The following NTN1 variants were observed in gnomAD, a reference collection of about 807,000 sequenced individuals.
NTN1 encodes the protein netrin 1.
In NTN1, 11 loss-of-function variants were observed where a neutral mutation model predicts 54.2. The observed-to-expected ratio is 0.20, with a 90% CI of 0.13 to 0.34. NTN1 has a LOEUF of 0.34. NTN1 is among the 10% of genes least tolerant of loss of function. NTN1 has a pLI of 1.00. For synonymous variants in NTN1, 371 were observed against 382.0 expected (o/e 0.97, Z 0.33); for missense variants, 740 against 893.1 (o/e 0.83, Z 2.18).
rs2091858991 is a variant in NTN1, at chr17:9,023,188, A to G, written c.815A>G (p.Tyr272Cys). The part of the protein sequence containing the change: ...EDDSELARDS[Y>C]FYAVSDLQVG... Reference sequence around the variant, plus strand: ...GACTCGGAGCTGGCGCGCGACTCGTACTTCTACGCGGTGTCCGACCTGCAG... The same window carrying G: ...GACTCGGAGCTGGCGCGCGACTCGTGCTTCTACGCGGTGTCCGACCTGCAG... Residue 272 changes from tyrosine (Y) to cysteine (C), a missense_variant, in exon 2 of 7, where the codon TAC (tyrosine) becomes TGC (cysteine). By Grantham distance (194) the Tyr-to-Cys change is radical (BLOSUM62 -2). Coordinates refer to ENST00000173229, the MANE Select transcript of NTN1 (RefSeq NM_004822.3). 1 of 1,563,098 alleles carries G rather than the reference A, an allele frequency of 6.4e-7. No homozygotes were observed. The highest frequency in any genetic ancestry group is 2.4e-5 in the East Asian group (1 of 42,190).
chr17:9,079,382 G>A (rs1445907265), intron 2 of NTN1, among the ~76,000 whole-genome samples: 1 of 152,198 alleles, frequency 6.6e-6, no homozygotes, highest in Non-Finnish European at 1.5e-5. Flanking sequence ...CCTTAAAAAT[G>A]TGTCTGTACA....
rs1377521382 is a variant in NTN1, at chr17:9,166,161, A to T, written c.1207+3160A>T. Reference sequence around the variant, plus strand: ...TGGTCAACCCCCTTCCACCACCACCACCACCACCACCACCACCACCACCAC... The same window carrying T: ...TGGTCAACCCCCTTCCACCACCACCTCCACCACCACCACCACCACCACCAC... On this transcript the variant is annotated intron_variant, in intron 3 of 6. Coordinates refer to ENST00000173229, the MANE Select transcript of NTN1 (RefSeq NM_004822.3). Among the ~76,000 whole-genome samples the T allele has an allele frequency of 1.4e-3, 40 of 28,630 alleles. 1 individual carries two copies. Among genetic ancestry groups the T allele is most frequent in the African/African-American group, 5.4e-3 (34 of 6,326 alleles). The allele number at this position is 28,630 out of a possible 152,430, so 18.8% of individuals were successfully genotyped here. A position where few individuals can be genotyped will look rare whatever the true frequency, so the allele number is the denominator to read the frequency against.
chr17:9,007,335 TTC>T, the NTN1 span, among the ~76,000 whole-genome samples: 1 of 142,230 alleles, frequency 7.0e-6, no homozygotes, highest in Non-Finnish European at 1.6e-5. Context: ...TCTTCCTTTT[TTC>T]TTTCTTTCTC....
chr17:9,004,711 A>T, the NTN1 span, among the ~76,000 whole-genome samples: 1 of 151,578 alleles, frequency 6.6e-6, no homozygotes, highest in Non-Finnish European at 1.5e-5. Context: ...GAAGCTCCAG[A>T]CTCTGGATTT....
intron 2 of NTN1, among the ~76,000 whole-genome samples, chr17:9,132,762 TACTC>T (rs534227776): frequency 1.7e-3 from 266 of 152,146 alleles, no homozygotes; most frequent in Admixed American, 2.7e-3. Flanking sequence ...TAATCCCAGT[TACTC>T]AGGAGGCTGA....
intron 2 of NTN1, among the ~76,000 whole-genome samples, chr17:9,042,347 T>C (rs929287349): frequency 1.3e-5 from 2 of 151,954 alleles, no homozygotes; most frequent in Non-Finnish European, 2.9e-5. Flanking sequence ...GAGCTGGGTG[T>C]GATGGCGCGC....
chr17:9,075,807 G>A (rs1184475299), intron 2 of NTN1, among the ~76,000 whole-genome samples: 4 of 118,964 alleles, frequency 3.4e-5, no homozygotes, highest in Non-Finnish European at 6.8e-5. Flanking sequence ...AGAAGTGAGG[G>A]GAAGACATGT....
chr17:9,215,280 CACACACACAT>C (rs1334158817), intron 5 of NTN1, among the ~76,000 whole-genome samples: 9 of 149,622 alleles, frequency 6.0e-5, no homozygotes, highest in East Asian at 3.9e-4. Flanking sequence ...CACACACACA[CACACACACAT>C]ACACACATGG....
intron 2 of NTN1, among the ~76,000 whole-genome samples, chr17:9,099,274 GTAT>G (rs1414574316): frequency 6.6e-6 from 1 of 152,178 alleles, no homozygotes; most frequent in Admixed American, 6.5e-5. Flanking sequence ...GTGTGGTGGT[GTAT>G]GCCTGTAATC....
chr17:9,012,460 G>A, the NTN1 span, among the ~76,000 whole-genome samples: 20 of 151,656 alleles, frequency 1.3e-4, no homozygotes, highest in Non-Finnish European at 2.8e-4. Context: ...GCAGTGAGCT[G>A]AGATCGCACC....
chr17:9,195,281 T>C (rs1443686869), intron 5 of NTN1, among the ~76,000 whole-genome samples: 1 of 147,594 alleles, frequency 6.8e-6, no homozygotes, highest in African/African-American at 2.5e-5. Flanking sequence ...AGCCCCATTG[T>C]TCCCCTGTCT....
intron 2 of NTN1, among the ~76,000 whole-genome samples, chr17:9,082,648 GGATAGGAGGTCTGC>G (rs1318338962): frequency 6.6e-6 from 1 of 152,090 alleles, no homozygotes; most frequent in East Asian, 1.9e-4. Flanking sequence ...TTCACAGAGA[GGATAGGAGGTCTGC>G]GTTACTCTAC....
At chr17:9,029,410 G>A (rs953509517) in intron 2 of NTN1, among the ~76,000 whole-genome samples, 3 of 152,192 alleles carry the variant, frequency 2.0e-5, no homozygotes, top group African/African-American at 7.2e-5. Context: ...ACTGTTGCAT[G>A]CAGAGAGAGC....
intron 2 of NTN1, among the ~76,000 whole-genome samples, chr17:9,054,331 TG>T (rs1420962441): frequency 6.6e-6 from 1 of 152,124 alleles, no homozygotes; most frequent in African/African-American, 2.4e-5. Context: ...GCCCGAGGCA[TG>T]GAAACACGAG....
chr17:9,236,782 A>G (rs1906006697), intron 6 of NTN1, among the ~76,000 whole-genome samples: 3 of 152,198 alleles, frequency 2.0e-5, no homozygotes, highest in Admixed American at 2.0e-4. Context: ...TAGGCAGTTA[A>G]GCAGGTCCCC....
chr17:9,182,874 G>C (rs2092422571), intron 4 of NTN1, 42 bp from the exon 5 acceptor site: 1 of 1,604,700 alleles, frequency 6.2e-7, no homozygotes, highest in African/African-American at 1.3e-5. Flanking sequence ...GTCTTACCTT[G>C]TTTTCTCTCC....
intron 2 of NTN1, among the ~76,000 whole-genome samples, chr17:9,153,669 G>T (rs950743465): frequency 6.6e-6 from 1 of 152,218 alleles, no homozygotes; most frequent in African/African-American, 2.4e-5. Flanking sequence ...TATGGCAGGC[G>T]TGCTTCCCAC....
In NTN1 at chr17:9,164,880, G is replaced by A. The variant is rs188251800; in HGVS notation, c.1207+1879G>A. Among the ~76,000 whole-genome samples, 927 of 152,292 alleles carry A rather than the reference G, an allele frequency of 6.1e-3. 31 individuals are homozygous for A. Among genetic ancestry groups the A allele is most frequent in the Admixed American group, 0.055 (845 of 15,298 alleles). On this transcript the variant is annotated intron_variant, in intron 3 of 6. Transcript: ENST00000173229. ...GAAGGTGGCCCAGGCAAAGGGACCC[G>A]AGAAACATCTGCAATGCCAGAAAGG...
intron 6 of NTN1, among the ~76,000 whole-genome samples, chr17:9,234,160 G>A (rs751660434): frequency 5.9e-5 from 9 of 152,232 alleles, no homozygotes; most frequent in Non-Finnish European, 1.2e-4. Flanking sequence ...GCCCCTGTAG[G>A]CAGGGCGGCA....
Sources: allele counts gnomAD v4.1 joint callset (sites outside exome capture counted in the v4.1 genomes callset), GRCh38; gene constraint gnomAD v4.1.1; transcripts MANE v1.5; gene names NCBI Gene and HGNC (gene_info 2026-07-23, HGNC 2026-07-21).